The following KCNIP4 variants were observed in gnomAD, a reference collection of about 807,000 sequenced individuals.
KCNIP4 encodes the protein Kv channel-interacting protein 4.
A neutral mutation model predicts 34.0 loss-of-function variants in KCNIP4; 12 were observed. The ratio of observed to expected loss-of-function variants is 0.35; its 90% CI spans 0.23 to 0.57. The LOEUF (loss-of-function observed/expected upper bound fraction) is 0.57. KCNIP4 is among the 20% of genes least tolerant of loss of function. The pLI, the probability that KCNIP4 is intolerant of heterozygous loss-of-function variation, is 0.83. For synonymous variants in KCNIP4, 124 were observed against 102.2 expected (o/e 1.21, Z -1.29); for missense variants, 238 against 311.7 (o/e 0.76, Z 1.78).
At chr4:21,816,810 C>T (rs528842727) in intron 1 of KCNIP4, among the ~76,000 whole-genome samples, 1 of 152,178 alleles carries the variant, frequency 6.6e-6, no homozygotes, top group East Asian at 1.9e-4. Flanking sequence ...GTGAAGCTGC[C>T]CAATCTGGAG....
intron 3 of KCNIP4, among the ~76,000 whole-genome samples, chr4:20,788,176 A>G (rs963363356): frequency 8.5e-5 from 13 of 152,288 alleles, no homozygotes; most frequent in South Asian, 8.3e-4. Context: ...AACAAATAGT[A>G]GTCTAGCAAG....
At chr4:21,273,976 A>T (rs1005544055) in intron 1 of KCNIP4, among the ~76,000 whole-genome samples, 6 of 152,218 alleles carry the variant, frequency 3.9e-5, no homozygotes, top group Non-Finnish European at 5.9e-5. Flanking sequence ...GCAGCAGGAC[A>T]GGTGTGCTTA....
intron 1 of KCNIP4, among the ~76,000 whole-genome samples, chr4:21,770,341 C>A (rs1718696727): frequency 6.6e-6 from 1 of 152,080 alleles, no homozygotes; most frequent in Admixed American, 6.6e-5. Context: ...TGTATATGTA[C>A]CACATTTTCT....
intron 2 of KCNIP4, among the ~76,000 whole-genome samples, chr4:20,864,214 G>A (rs567873614): frequency 1.1e-3 from 163 of 148,390 alleles, no homozygotes; most frequent in Admixed American, 2.7e-3. Context: ...ACACATGCAT[G>A]TATATATGCA....
chr4:21,179,362 T>G (rs777588065), intron 1 of KCNIP4, among the ~76,000 whole-genome samples: 1 of 152,202 alleles, frequency 6.6e-6, no homozygotes, highest in Non-Finnish European at 1.5e-5. Context: ...CAAAGCATCC[T>G]TCACATAAAG....
chr4:21,879,341 GCAGTGCTACT>G (rs1726325888), intron 1 of KCNIP4, among the ~76,000 whole-genome samples: 1 of 152,124 alleles, frequency 6.6e-6, no homozygotes, highest in South Asian at 2.1e-4. Context: ...AAATGTTTTG[GCAGTGCTACT>G]CACCCCTATC....
intron 1 of KCNIP4, among the ~76,000 whole-genome samples, chr4:21,873,868 A>G (rs1725947787): frequency 6.6e-6 from 1 of 152,184 alleles, no homozygotes; most frequent in South Asian, 2.1e-4. Flanking sequence ...TTATCTTTGA[A>G]CAGATTCCTT....
At chr4:21,575,718 T>C (rs1046267711) in intron 1 of KCNIP4, among the ~76,000 whole-genome samples, 2 of 152,230 alleles carry the variant, frequency 1.3e-5, no homozygotes, top group Non-Finnish European at 2.9e-5. Flanking sequence ...CTTCGTGTGA[T>C]AGTTTATAAC....
intron 1 of KCNIP4, among the ~76,000 whole-genome samples, chr4:20,928,040 A>G (rs1159209785): frequency 6.6e-6 from 1 of 152,122 alleles, no homozygotes; most frequent in Non-Finnish European, 1.5e-5. Flanking sequence ...CTTTATGGAT[A>G]TGTGCCTGTG....
At chr4:21,635,853 G>A (rs541171644) in intron 1 of KCNIP4, among the ~76,000 whole-genome samples, 117 of 151,062 alleles carry the variant, frequency 7.7e-4, no homozygotes, top group South Asian at 5.2e-3. Context: ...TGTTTATTGC[G>A]GCATTATTCA....
At chr4:20,997,249 G>A (rs1253564188) in intron 1 of KCNIP4, among the ~76,000 whole-genome samples, 2 of 152,164 alleles carry the variant, frequency 1.3e-5, no homozygotes, top group African/African-American at 2.4e-5. Flanking sequence ...CAAGAGACAG[G>A]AAAACCAGTG....
At chr4:21,012,947 C>T (rs1429665627) in intron 1 of KCNIP4, among the ~76,000 whole-genome samples, 1 of 152,142 alleles carries the variant, frequency 6.6e-6, no homozygotes, top group African/African-American at 2.4e-5. Flanking sequence ...CAAGGTGTGA[C>T]TCACTGTAAT....
At chr4:21,779,059 A>ATCT (rs1247793852) in intron 1 of KCNIP4, among the ~76,000 whole-genome samples, 2 of 152,034 alleles carry the variant, frequency 1.3e-5, no homozygotes, top group African/African-American at 4.8e-5. Flanking sequence ...ATATAAATGA[A>ATCT]TCTTGCCTCT....
chr4:20,933,172 AG>A (rs2149604824), intron 1 of KCNIP4, among the ~76,000 whole-genome samples: 1 of 152,284 alleles, frequency 6.6e-6, no homozygotes, highest in East Asian at 1.9e-4. Flanking sequence ...TAAACCTGGA[AG>A]GCAGAGGTTG....
intron 1 of KCNIP4, among the ~76,000 whole-genome samples, chr4:20,920,348 G>C (rs1273215953): frequency 6.6e-6 from 1 of 152,120 alleles, no homozygotes; most frequent in Non-Finnish European, 1.5e-5. Context: ...CTAAGATTTT[G>C]AAATGATTAA....
At chr4:21,762,883 G>T (rs895770317) in intron 1 of KCNIP4, 1 of 1,238,390 alleles carries the variant, frequency 8.1e-7, no homozygotes, top group Non-Finnish European at 1.1e-6. Flanking sequence ...AGATTGGGAG[G>T]GGGGTGTAGG....
At chr4:21,358,291 A>C (rs983783841) in intron 1 of KCNIP4, among the ~76,000 whole-genome samples, 1 of 152,148 alleles carries the variant, frequency 6.6e-6, no homozygotes. Flanking sequence ...CACATTGTGT[A>C]CATGTACCCT....
chr4:21,921,115 T>C (rs1728917131), intron 1 of KCNIP4, among the ~76,000 whole-genome samples: 1 of 152,218 alleles, frequency 6.6e-6, no homozygotes, highest in Non-Finnish European at 1.5e-5. Context: ...TGCTTAATAC[T>C]ATATCTATTC....
At chr4:21,180,506 A>C (rs1232387234) in intron 1 of KCNIP4, among the ~76,000 whole-genome samples, 1 of 151,930 alleles carries the variant, frequency 6.6e-6, no homozygotes, top group Non-Finnish European at 1.5e-5. Flanking sequence ...AGAATCACAC[A>C]TATATATGAG....
Sources: allele counts gnomAD v4.1 joint callset (sites outside exome capture counted in the v4.1 genomes callset), GRCh38; gene constraint gnomAD v4.1.1; transcripts MANE v1.5; gene names NCBI Gene and HGNC (gene_info 2026-07-23, HGNC 2026-07-21).